GRID2: variants seen among roughly 807,000 people sequenced by gnomAD.
GRID2 encodes glutamate receptor ionotropic, delta-2.
Under a neutral mutation model 114.8 loss-of-function variants are expected in GRID2, and 33 were observed. The observed-to-expected ratio is 0.29, with a 90% CI of 0.22 to 0.38. The LOEUF is 0.38. GRID2 is among the 10% of genes least tolerant of loss of function. The pLI is 1.00. For synonymous variants in GRID2, 505 were observed against 449.9 expected (o/e 1.12, Z -1.55); for missense variants, 1,184 against 1,257.7 (o/e 0.94, Z 0.89).
intron 1 of GRID2, among the ~76,000 whole-genome samples, chr4:92,340,314 A>G (rs1007120223): frequency 1.3e-5 from 2 of 152,116 alleles, no homozygotes. Flanking sequence ...GCTCAGTCCA[A>G]TCTATTTGCC....
At position 92,500,175 on chromosome 4, in the gene GRID2, T is replaced by A. The variant is rs530852448; in HGVS notation, c.89-89956T>A. Among the ~76,000 whole-genome samples the A allele has an allele frequency of 4.1e-4, 63 of 152,216 alleles. 1 individual carries two copies. The South Asian group carries it at 0.01, about 25-fold the overall frequency. The stretch of plus-strand genomic sequence containing the variant: ...TTGCTTACCTGTGTTTCTTTTTTTT[T>A]AAATCTTTTATCCAGTAACTTAGTG... On this transcript the variant is annotated intron_variant, in intron 1 of 15. Coordinates refer to ENST00000282020, the MANE Select transcript of GRID2 (RefSeq NM_001510.4).
rs183859553 is a variant in GRID2, at chr4:92,942,974, C to G, written c.245-142021C>G. Reference sequence around the variant, plus strand: ...TGATGGGCTTCCCGTTGTGGGTAACCCGACCTTTCTCTCTGGCTGCCCTTA... The same window carrying G: ...TGATGGGCTTCCCGTTGTGGGTAACGCGACCTTTCTCTCTGGCTGCCCTTA... On this transcript the variant is annotated intron_variant, in intron 2 of 15. Coordinates refer to ENST00000282020, the MANE Select transcript of GRID2 (RefSeq NM_001510.4). 8.5e-5 allele frequency among the ~76,000 whole-genome samples: 13 copies of G among 152,264 alleles called. No individual in the cohort carries two copies. In the East Asian group the frequency reaches 2.3e-3, roughly 27 times the overall value.
At chr4:93,080,852 C>G (rs1729796582) in intron 2 of GRID2, among the ~76,000 whole-genome samples, 1 of 152,080 alleles carries the variant, frequency 6.6e-6, no homozygotes, top group African/African-American at 2.4e-5. Flanking sequence ...GCTGGGAAGT[C>G]AAGATCAATA....
chr4:92,330,738 A>AAT (rs1186983757), intron 1 of GRID2, among the ~76,000 whole-genome samples: 4 of 151,930 alleles, frequency 2.6e-5, no homozygotes, highest in Non-Finnish European at 5.9e-5. Flanking sequence ...GTCATTATAA[A>AAT]ATATATATAT....
chr4:93,459,024 AC>A lies in GRID2; in HGVS notation c.1858+3051del, dbSNP rs1723471782. Among the ~76,000 whole-genome samples, 4 of 152,028 alleles carry A rather than the reference AC, an allele frequency of 2.6e-5. No homozygotes were observed. In the South Asian group the frequency reaches 8.3e-4, roughly 32 times the overall value. On this transcript the variant is annotated intron_variant, in intron 11 of 15. Transcript: ENST00000282020. ...GTGAAACACCATCTCTGCTAAAAAT[AC>A]AAAAAAATGCCAGGCATGGTGGTGG...
intron 2 of GRID2, among the ~76,000 whole-genome samples, chr4:92,849,709 AGACATT>A (rs1743617101): frequency 6.6e-6 from 1 of 151,812 alleles, no homozygotes; most frequent in Non-Finnish European, 1.5e-5. Flanking sequence ...GATATTACCA[AGACATT>A]ATAATCTCTA....
At chr4:93,149,218 A>G (rs1028716149) in intron 4 of GRID2, among the ~76,000 whole-genome samples, 3 of 152,160 alleles carry the variant, frequency 2.0e-5, no homozygotes, top group African/African-American at 7.2e-5. Context: ...TTTTCCTCTC[A>G]CAGGTGCTAA....
rs983356378 is a variant in GRID2, at chr4:93,613,189, T to C, written c.2194-13080T>C. Among the ~76,000 whole-genome samples the C allele has an allele frequency of 3.1e-3, 468 of 149,174 alleles. 1 individual carries two copies. The highest frequency in any genetic ancestry group is 0.011 in the African/African-American group (455 of 40,544). ...AGCTCCTTTAAACACTTCTCTGTAT[T>C]GGTTATTCTAGTTATACATTCTTCT... On this transcript the variant is annotated intron_variant, in intron 13 of 15. Coordinates refer to ENST00000282020, the MANE Select transcript of GRID2 (RefSeq NM_001510.4).
intron 13 of GRID2, among the ~76,000 whole-genome samples, chr4:93,524,823 G>GTATATATATATATATATATATATA (rs1300787035): frequency 1.7e-5 from 1 of 59,916 alleles, no homozygotes; most frequent in Non-Finnish European, 2.9e-5. Context: ...ATGTATGTAT[G>GTATATATATATATATATATATATA]TATATATATA....
At chr4:93,102,790 T>C (rs1203863716) in intron 3 of GRID2, among the ~76,000 whole-genome samples, 2 of 150,780 alleles carry the variant, frequency 1.3e-5, no homozygotes, top group Admixed American at 6.6e-5. Flanking sequence ...AACTTAGAAC[T>C]ATGATTCTAA....
intron 14 of GRID2, among the ~76,000 whole-genome samples, chr4:93,673,086 A>G (rs920999358): frequency 6.6e-6 from 1 of 152,200 alleles, no homozygotes; most frequent in African/African-American, 2.4e-5. Context: ...TACACTACAC[A>G]TTGGCATTTG....
intron 2 of GRID2, among the ~76,000 whole-genome samples, chr4:92,783,854 T>G (rs1476486908): frequency 1.3e-5 from 2 of 151,942 alleles, no homozygotes; most frequent in African/African-American, 4.8e-5. Context: ...GCTACTGCAC[T>G]CTAGCCTGGG....
chr4:93,176,921 G>T (rs753145137), intron 4 of GRID2, among the ~76,000 whole-genome samples: 3 of 152,126 alleles, frequency 2.0e-5, no homozygotes, highest in African/African-American at 7.2e-5. Flanking sequence ...GTGTATTTCC[G>T]GAGTGAGGGA....
chr4:93,494,084 A>G (rs1318713098), intron 12 of GRID2, among the ~76,000 whole-genome samples: 2 of 151,846 alleles, frequency 1.3e-5, no homozygotes, highest in Admixed American at 6.6e-5. Context: ...TCAAAATCTC[A>G]TTTGTAACTA....
chr4:92,616,269 AT>A (rs34532719), intron 2 of GRID2, among the ~76,000 whole-genome samples: 11 of 149,976 alleles, frequency 7.3e-5, no homozygotes, highest in African/African-American at 2.2e-4. Context: ...TGGTTGACAG[AT>A]TTTTTTTTTA....
chr4:93,738,502 G>C (rs1731111669), intron 14 of GRID2, among the ~76,000 whole-genome samples: 1 of 152,110 alleles, frequency 6.6e-6, no homozygotes. Flanking sequence ...CAAGAGGGTA[G>C]ATTTTAAATA....
chr4:93,693,719 T>C (rs1726767400), intron 14 of GRID2, among the ~76,000 whole-genome samples: 1 of 152,138 alleles, frequency 6.6e-6, no homozygotes, highest in Non-Finnish European at 1.5e-5. Context: ...GATTTAATTT[T>C]CGCCATTAGT....
chr4:92,538,077 T>G (rs2149159620), intron 1 of GRID2, among the ~76,000 whole-genome samples: 1 of 152,250 alleles, frequency 6.6e-6, no homozygotes, highest in Admixed American at 6.5e-5. Flanking sequence ...CTGTATTTAT[T>G]AGTTACTTAC....
chr4:92,431,909 A>G (rs546005773), intron 1 of GRID2, among the ~76,000 whole-genome samples: 1 of 152,346 alleles, frequency 6.6e-6, no homozygotes, highest in African/African-American at 2.4e-5. Flanking sequence ...ATTGCATGTT[A>G]TAATCTAAGT....
Sources: allele counts gnomAD v4.1 joint callset (sites outside exome capture counted in the v4.1 genomes callset), GRCh38; gene constraint gnomAD v4.1.1; transcripts MANE v1.5; gene names NCBI Gene and HGNC (gene_info 2026-07-23, HGNC 2026-07-21).